CD28: variants seen among roughly 807,000 people sequenced by gnomAD.
The protein encoded by CD28 is CD28 molecule.
A neutral mutation model predicts 21.4 loss-of-function variants in CD28; 8 were observed. The observed-to-expected ratio is 0.37, with a 90% CI of 0.22 to 0.68. The LOEUF (loss-of-function observed/expected upper bound fraction) is 0.68, where lower values mean the gene tolerates loss of function less well. CD28 is among the 30% of genes least tolerant of loss of function. The pLI is 0.55. For missense variants in CD28, 239 were observed against 272.2 expected (o/e 0.88, Z 0.86); for synonymous variants, 106 against 104.0 (o/e 1.02, Z -0.12).
intron 1 of CD28, among the ~76,000 whole-genome samples, chr2:203,723,123 T>C (rs1007216790): frequency 6.6e-6 from 1 of 152,226 alleles, no homozygotes; most frequent in African/African-American, 2.4e-5. Flanking sequence ...CACTAGGCCA[T>C]AGTGGCTTTC....
In CD28 at chr2:203,706,641, A is replaced by ACTT; in HGVS notation, c.-54_-52dup. ...AGGTGCGTCTTTCAGTTCCCCTCACACTTCGGGTTCCTCGGGGAGGAGGGG... is the reference window on the plus strand; with the variant it reads ...AGGTGCGTCTTTCAGTTCCCCTCACACTTCTTCGGGTTCCTCGGGGAGGAGGGG... On this transcript the variant is annotated 5_prime_UTR_variant, in exon 1 of 4. Transcript: ENST00000324106. 1 of 1,613,792 alleles carries ACTT rather than the reference A, an allele frequency of 6.2e-7. No individual in the cohort carries two copies. Among genetic ancestry groups the ACTT allele is most frequent in the Admixed American group, 1.7e-5 (1 of 59,988 alleles).
rs1413885736 is a variant in CD28, at chr2:203,738,377, G to A, written c.*3465G>A. The A allele has an allele frequency of 6.6e-6, 1 of 152,176 alleles. No individual in the cohort carries two copies. Among genetic ancestry groups the A allele is most frequent in the Non-Finnish European group, 1.5e-5 (1 of 68,026 alleles). 9.4% of individuals were successfully genotyped at this position (152,176 alleles called of 1,614,324 possible). ...AACTACATGCTGGAGATTAGAGATG[G>A]TGCCAATAAAGGACCCAGAACCAGG... is the stretch of plus-strand genomic sequence containing the variant. On this transcript the variant is annotated 3_prime_UTR_variant, in exon 4 of 4. Transcript: ENST00000324106.
At chr2:203,712,165 C>T (rs998842756) in intron 1 of CD28, among the ~76,000 whole-genome samples, 3 of 151,350 alleles carry the variant, frequency 2.0e-5, no homozygotes, top group African/African-American at 7.3e-5. Context: ...GCACTCCAGC[C>T]TGGGTGACAG....
chr2:203,716,406 A>G (rs1693463911), intron 1 of CD28, among the ~76,000 whole-genome samples: 1 of 152,200 alleles, frequency 6.6e-6, no homozygotes, highest in Non-Finnish European at 1.5e-5. Context: ...CTGCCTTCGG[A>G]TTTCTCCTAG....
intron 1 of CD28, among the ~76,000 whole-genome samples, chr2:203,722,035 CT>C (rs1290497140): frequency 3.9e-5 from 6 of 152,114 alleles, no homozygotes; most frequent in Admixed American, 3.9e-4. Flanking sequence ...CCCACACTCC[CT>C]TTTTTTGTCT....
At chr2:203,720,020 C>T (rs1693564681) in intron 1 of CD28, among the ~76,000 whole-genome samples, 2 of 152,056 alleles carry the variant, frequency 1.3e-5, no homozygotes, top group African/African-American at 2.4e-5. Flanking sequence ...AGCTTCCCCA[C>T]CACCCACTGC....
chr2:203,717,278 C>T (rs1047126792), intron 1 of CD28, among the ~76,000 whole-genome samples: 2 of 152,162 alleles, frequency 1.3e-5, no homozygotes, highest in Admixed American at 6.5e-5. Context: ...AGTTAATGTG[C>T]TTGGTATAAC....
At chr2:203,714,716 T>C (rs1693419401) in intron 1 of CD28, among the ~76,000 whole-genome samples, 1 of 152,160 alleles carries the variant, frequency 6.6e-6, no homozygotes, top group African/African-American at 2.4e-5. Flanking sequence ...TTGTCGGGTC[T>C]AACAAGGCAG....
rs1693992571 is a variant in CD28 at position 203,734,947 on chromosome 2, GC to G, written c.*40del. 1 of 1,607,012 alleles carries G rather than the reference GC, an allele frequency of 6.2e-7. No homozygotes were observed. On this transcript the variant is annotated 3_prime_UTR_variant, in exon 4 of 4. Coordinates refer to ENST00000324106, the MANE Select transcript of CD28 (RefSeq NM_006139.4). ...CTATCCAGAAGCCAGCCGGCTGGCA[GC>G]CCCCATCTGCTCAATATCACTGCTC...
At chr2:203,719,314 A>G (rs551747432) in intron 1 of CD28, among the ~76,000 whole-genome samples, 68 of 152,246 alleles carry the variant, frequency 4.5e-4, no homozygotes, top group Non-Finnish European at 8.7e-4. Flanking sequence ...GTTCCCTTCC[A>G]GTTGAGTGTG....
chr2:203,724,319 A>T (rs1040338742), intron 1 of CD28, among the ~76,000 whole-genome samples: 2 of 152,122 alleles, frequency 1.3e-5, no homozygotes, highest in Admixed American at 6.6e-5. Context: ...ATTCATTCAT[A>T]ACTTTGTGAA....
chr2:203,714,575 T>C (rs559350627), intron 1 of CD28, among the ~76,000 whole-genome samples: 2 of 152,328 alleles, frequency 1.3e-5, no homozygotes, highest in South Asian at 4.1e-4. Context: ...TAGTCTATCA[T>C]ACTGTGACAG....
At chr2:203,718,282 C>G (rs1693515407) in intron 1 of CD28, among the ~76,000 whole-genome samples, 1 of 152,126 alleles carries the variant, frequency 6.6e-6, no homozygotes, top group South Asian at 2.1e-4. Flanking sequence ...CCTTACAGAG[C>G]CTGAAAAGGA....
At chr2:203,726,430 A>C (rs3181106) in intron 1 of CD28, among the ~76,000 whole-genome samples, 20,379 of 152,194 alleles carry the variant, frequency 0.13, 1,633 homozygotes, top group Middle Eastern at 0.19. Flanking sequence ...CCATTGTTCC[A>C]TTCAAAAGAG....
chr2:203,729,791 C>T lies in CD28; in HGVS notation c.534+19C>T, dbSNP rs557870805. The stretch of plus-strand genomic sequence containing the variant: ...TTTCTGGGTAAGAGAAGCAGCACTG[C>T]TTTTATGTAACTTTTCCACTGCACA... On this transcript the variant is annotated intron_variant, in intron 3 of 3. Transcript: ENST00000324106. 6.2e-7 allele frequency: 1 copy of T among 1,607,910 alleles called. No homozygotes were observed. Among genetic ancestry groups the T allele is most frequent in the African/African-American group, 1.3e-5 (1 of 74,562 alleles).
intron 3 of CD28, among the ~76,000 whole-genome samples, chr2:203,731,813 A>C (rs186116440): frequency 1.1e-3 from 165 of 152,228 alleles, no homozygotes; most frequent in African/African-American, 3.8e-3. Context: ...CTTTGTTTTA[A>C]AAAAATTTTA....
chr2:203,718,302 C>T (rs921314830), intron 1 of CD28, among the ~76,000 whole-genome samples: 7 of 152,076 alleles, frequency 4.6e-5, no homozygotes, highest in African/African-American at 1.4e-4. Context: ...AGCCAGTGGT[C>T]AGATGGTCAC....
rs1355605919 is a variant in CD28, at chr2:203,726,737, G to A, written c.157G>A (p.Ala53Thr). Residue 53 changes from alanine to threonine, a missense_variant, in exon 2 of 4, where the codon GCA becomes ACA. By Grantham distance (58) the Ala-to-Thr change is moderately conservative. Around this residue, in one of 3 missense-constraint regions of CD28, gnomAD observed 104 missense variants for 108.5 expected, o/e 0.96. Transcript: ENST00000324106. ...SYNLFSREFR[A>T]SLHKGLDSAV... ...CAATCTCTTCTCAAGGGAGTTCCGG[G>A]CATCCCTTCACAAAGGACTGGATAG... 2 of 1,613,996 alleles carry A rather than the reference G, an allele frequency of 1.2e-6. No individual in the cohort carries two copies. Among genetic ancestry groups the A allele is most frequent in the Non-Finnish European group, 8.5e-7 (1 of 1,179,912 alleles).
intron 3 of CD28, among the ~76,000 whole-genome samples, chr2:203,732,198 G>A (rs781108803): frequency 6.6e-6 from 1 of 152,142 alleles, no homozygotes; most frequent in Non-Finnish European, 1.5e-5. Flanking sequence ...AACTTCCTGA[G>A]GGCCTGATAT....
Sources: allele counts gnomAD v4.1 joint callset (sites outside exome capture counted in the v4.1 genomes callset), GRCh38; gene constraint gnomAD v4.1.1; regional missense constraint gnomAD v4.1.1; transcripts MANE v1.5; gene names NCBI Gene and HGNC (gene_info 2026-07-23, HGNC 2026-07-21).